Variants in NXPH1 observed in about 807,000 individuals in gnomAD.
The protein encoded by NXPH1 is neurexophilin 1.
Under a neutral mutation model 23.7 loss-of-function variants are expected in NXPH1, and 5 were observed. The observed-to-expected ratio is 0.21, with a 90% CI of 0.11 to 0.44. NXPH1 has a LOEUF of 0.44. Ranked by LOEUF, NXPH1 falls within the 20% of genes least tolerant of loss-of-function variation. The pLI is 0.99. For missense variants in NXPH1, 324 were observed against 321.6 expected, an observed-to-expected ratio of 1.01 and a Z score of -0.06; for synonymous variants, 144 against 122.2, an observed-to-expected ratio of 1.18 and a Z score of -1.18.
At position 8,623,055 on chromosome 7, in the gene NXPH1, C is replaced by T. The variant is rs114174667; in HGVS notation, c.55-127953C>T. On this transcript the variant is annotated intron_variant, in intron 2 of 2. Coordinates refer to ENST00000405863, the MANE Select transcript of NXPH1 (RefSeq NM_152745.3). ...GAGTGGTAAGGAAGTATGTGGTGTG[C>T]TCCAGGGAGCAGTTTGTCCAGAACC... 5.2e-3 allele frequency among the ~76,000 whole-genome samples: 796 copies of T among 152,254 alleles called. 8 individuals carry two copies. Among genetic ancestry groups the T allele is most frequent in the African/African-American group, 0.018 (745 of 41,540 alleles).
intron 2 of NXPH1, among the ~76,000 whole-genome samples, chr7:8,645,149 C>T (rs1198942629): frequency 6.6e-6 from 1 of 152,034 alleles, no homozygotes; most frequent in Non-Finnish European, 1.5e-5. Flanking sequence ...TACTTTTCTT[C>T]GAATGCACAC....
At chr7:8,602,409 A>C (rs1819381577) in intron 2 of NXPH1, among the ~76,000 whole-genome samples, 1 of 152,010 alleles carries the variant, frequency 6.6e-6, no homozygotes, top group South Asian at 2.1e-4. Flanking sequence ...GTTTCCCCTT[A>C]AATTTTCTGA....
At position 8,655,412 on chromosome 7, in the gene NXPH1, C is replaced by G. The variant is rs13247712; in HGVS notation, c.55-95596C>G. 1.8e-3 allele frequency among the ~76,000 whole-genome samples: 21 copies of G among 11,924 alleles called. 2 individuals carry two copies. Among genetic ancestry groups the G allele is most frequent in the Admixed American group, 4.9e-3 (3 of 614 alleles). The allele number at this position is 11,924 out of a possible 152,430, so 7.8% of individuals were successfully genotyped here. A position where few individuals can be genotyped will look rare whatever the true frequency, so the allele number is the denominator to read the frequency against. On this transcript the variant is annotated intron_variant, in intron 2 of 2. Transcript: ENST00000405863. ...TTTGTCTTTGTCTTTCTCTCTCTCT[C>G]TCTCTCTCTCTCTCTCTCTCTCTCT...
intron 2 of NXPH1, among the ~76,000 whole-genome samples, chr7:8,654,094 A>G (rs551379927): frequency 1.2e-4 from 19 of 152,312 alleles, no homozygotes; most frequent in African/African-American, 4.6e-4. Context: ...GAAATCTAAG[A>G]CTTCCATAAC....
intron 2 of NXPH1, among the ~76,000 whole-genome samples, chr7:8,655,044 G>A (rs946018329): frequency 2.6e-5 from 4 of 152,104 alleles, no homozygotes; most frequent in African/African-American, 9.7e-5. Context: ...ATTCCCCACT[G>A]TGTCTTTTTC....
At chr7:8,638,451 A>G (rs1820253782) in intron 2 of NXPH1, among the ~76,000 whole-genome samples, 1 of 152,204 alleles carries the variant, frequency 6.6e-6, no homozygotes, top group Non-Finnish European at 1.5e-5. Flanking sequence ...TCTCATTCAA[A>G]TATACCAGTA....
At chr7:8,453,294 A>G (rs1484088030) in intron 2 of NXPH1, among the ~76,000 whole-genome samples, 5 of 152,150 alleles carry the variant, frequency 3.3e-5, no homozygotes, top group African/African-American at 1.2e-4. Context: ...TTAGTCACCG[A>G]ACATCTGAAA....
intron 2 of NXPH1, among the ~76,000 whole-genome samples, chr7:8,459,692 CA>C (rs1385226408): frequency 6.6e-6 from 1 of 151,818 alleles, no homozygotes; most frequent in Non-Finnish European, 1.5e-5. Context: ...GTTGGGGCAG[CA>C]AAAACATTGA....
intron 2 of NXPH1, among the ~76,000 whole-genome samples, chr7:8,553,861 C>T (rs1818314218): frequency 6.6e-6 from 1 of 151,632 alleles, no homozygotes; most frequent in African/African-American, 2.4e-5. Context: ...ATTACTAATT[C>T]CAAATCATCA....
At chr7:8,613,940 T>A (rs906886810) in intron 2 of NXPH1, among the ~76,000 whole-genome samples, 3 of 151,870 alleles carry the variant, frequency 2.0e-5, no homozygotes, top group African/African-American at 7.2e-5. Flanking sequence ...TCATAAATCA[T>A]AATCTTAGTT....
chr7:8,587,986 T>C (rs12333989), intron 2 of NXPH1, among the ~76,000 whole-genome samples: 55,215 of 151,730 alleles, frequency 0.36, 12,400 homozygotes, highest in African/African-American at 0.65. Flanking sequence ...GGCCAACAAA[T>C]GTATGAAAAA....
intron 2 of NXPH1, among the ~76,000 whole-genome samples, chr7:8,733,123 G>A (rs1780187554): frequency 6.6e-6 from 1 of 152,028 alleles, no homozygotes; most frequent in Admixed American, 6.6e-5. Context: ...GTGAGAACAC[G>A]TGGTGTTTTG....
chr7:8,663,654 G>A (rs748481970), intron 2 of NXPH1, among the ~76,000 whole-genome samples: 6 of 152,018 alleles, frequency 3.9e-5, no homozygotes, highest in Admixed American at 1.3e-4. Flanking sequence ...TAATCTAATA[G>A]TCTGATTTAT....
chr7:8,582,846 C>G (rs1479867977), intron 2 of NXPH1, among the ~76,000 whole-genome samples: 1 of 152,194 alleles, frequency 6.6e-6, no homozygotes, highest in African/African-American at 2.4e-5. Flanking sequence ...GGACCCACCC[C>G]TTTCCACCCA....
chr7:8,670,888 C>A (rs1023286936), intron 2 of NXPH1, among the ~76,000 whole-genome samples: 7 of 152,132 alleles, frequency 4.6e-5, no homozygotes, highest in African/African-American at 1.4e-4. Flanking sequence ...GCTTTCTAAT[C>A]ATTGAAATCC....
intron 2 of NXPH1, among the ~76,000 whole-genome samples, chr7:8,744,812 G>C (rs955000856): frequency 3.3e-5 from 5 of 152,174 alleles, no homozygotes; most frequent in African/African-American, 1.2e-4. Flanking sequence ...ATCAAGCTTA[G>C]TTAATCCTAC....
At chr7:8,494,765 T>A (rs778310534) in intron 2 of NXPH1, among the ~76,000 whole-genome samples, 1 of 152,036 alleles carries the variant, frequency 6.6e-6, no homozygotes, top group Non-Finnish European at 1.5e-5. Context: ...ACACATAATT[T>A]CATGGATGAA....
chr7:8,504,350 A>C (rs977955098), intron 2 of NXPH1, among the ~76,000 whole-genome samples: 16 of 151,774 alleles, frequency 1.1e-4, no homozygotes, highest in African/African-American at 3.9e-4. Context: ...TTTTGTTTAT[A>C]TATAATTGTA....
chr7:8,585,240 T>C (rs1818957115), intron 2 of NXPH1, among the ~76,000 whole-genome samples: 1 of 152,208 alleles, frequency 6.6e-6, no homozygotes, highest in Non-Finnish European at 1.5e-5. Context: ...CCTCTTCTGT[T>C]TATTTGTGCC....
Sources: gnomAD v4.1 joint callset for allele counts (sites outside exome capture counted in the v4.1 genomes callset) on GRCh38, gnomAD v4.1.1 for gene constraint, MANE v1.5 for transcripts, NCBI Gene and HGNC (gene_info 2026-07-23, HGNC 2026-07-21) for gene names.